The following WDR72 variants were observed in gnomAD, a reference collection of about 807,000 sequenced individuals.
WDR72 encodes WD repeat-containing protein 72.
In WDR72, 120 loss-of-function variants were observed where a neutral mutation model predicts 124.2. The ratio of observed to expected loss-of-function variants is 0.97; its 90% CI spans 0.83 to 1.12. WDR72 has a LOEUF of 1.12. Ranked by LOEUF, WDR72 falls within the 50% of genes most tolerant of loss-of-function variation. The pLI, the probability that WDR72 is intolerant of heterozygous loss-of-function variation, is 0.00. For missense variants in WDR72, 1,387 were observed against 1,278.8 expected, an observed-to-expected ratio of 1.08 and a Z score of -1.29; for synonymous variants, 452 against 441.7, an observed-to-expected ratio of 1.02 and a Z score of -0.29.
chr15:53,610,801 T>G (rs142811031), intron 16 of WDR72, among the ~76,000 whole-genome samples: 1 of 152,208 alleles, frequency 6.6e-6, no homozygotes, highest in Non-Finnish European at 1.5e-5. Flanking sequence ...TGACATGTTT[T>G]CCATTTCTTC....
At chr15:53,695,332 T>C (rs1442367148) in intron 13 of WDR72, among the ~76,000 whole-genome samples, 1 of 152,210 alleles carries the variant, frequency 6.6e-6, no homozygotes, top group Non-Finnish European at 1.5e-5. Flanking sequence ...TAAATTCAAT[T>C]CTTAAAAGAA....
chr15:53,597,228 T>A lies in WDR72; in HGVS notation c.2999A>T (p.His1000Leu). 6.2e-7 allele frequency: 1 copy of A among 1,613,876 alleles called. No homozygotes were observed. Among genetic ancestry groups the A allele is most frequent in the South Asian group, 1.1e-5 (1 of 91,078 alleles). Residue 1000 changes from histidine to leucine, a missense_variant, in exon 18 of 20, where the codon CAC (histidine) becomes CTC (leucine). By Grantham distance (99) the His-to-Leu change is moderately conservative (BLOSUM62 -3). Transcript: ENST00000360509. Reference protein sequence around the residue: ...QAVLLAEVQQHMKSLGKIPVN... With the variant: ...QAVLLAEVQQLMKSLGKIPVN... ...GGGTATCTTTCCCAAACTCTTCATG[T>A]GTTGTTGAACTTCCGCCAAGAGAAC...
chr15:53,634,779 G>T (rs890112864), intron 14 of WDR72, among the ~76,000 whole-genome samples: 24 of 152,214 alleles, frequency 1.6e-4, no homozygotes, highest in Non-Finnish European at 4.4e-5. Flanking sequence ...GAACAATAAA[G>T]CAAAGTAAGT....
intron 14 of WDR72, among the ~76,000 whole-genome samples, chr15:53,651,699 C>CT (rs1454200351): frequency 6.6e-6 from 1 of 152,166 alleles, no homozygotes; most frequent in Non-Finnish European, 1.5e-5. Context: ...ATTGCTCAGG[C>CT]TGGAGTGCAG....
At chr15:53,674,666 T>A (rs1595838906) in intron 13 of WDR72, among the ~76,000 whole-genome samples, 1 of 152,190 alleles carries the variant, frequency 6.6e-6, no homozygotes, top group Non-Finnish European at 1.5e-5. Context: ...AAATGGAGTG[T>A]CAAAGACCTG....
intron 18 of WDR72, among the ~76,000 whole-genome samples, chr15:53,550,543 T>C (rs773097732): frequency 1.3e-5 from 2 of 152,232 alleles, no homozygotes; most frequent in South Asian, 2.1e-4. Flanking sequence ...TTATTTATTA[T>C]GCATTAAACA....
chr15:53,639,644 T>C (rs1871161809), intron 14 of WDR72, among the ~76,000 whole-genome samples: 1 of 151,626 alleles, frequency 6.6e-6, no homozygotes, highest in Non-Finnish European at 1.5e-5. Context: ...AGTGTGTGCC[T>C]GGCACTGCTG....
intron 18 of WDR72, among the ~76,000 whole-genome samples, chr15:53,529,884 A>G (rs1339824936): frequency 1.3e-5 from 2 of 151,970 alleles, no homozygotes; most frequent in African/African-American, 2.4e-5. Context: ...TTACAAAGAG[A>G]AAACGTGTAG....
intron 18 of WDR72, among the ~76,000 whole-genome samples, chr15:53,570,069 G>T (rs1156643170): frequency 6.6e-6 from 1 of 151,834 alleles, no homozygotes; most frequent in Admixed American, 6.6e-5. Context: ...AGGTGAGAAT[G>T]TATCTCATGC....
At chr15:53,599,630 TG>T (rs2012951751) in intron 17 of WDR72, among the ~76,000 whole-genome samples, 1 of 152,082 alleles carries the variant, frequency 6.6e-6, no homozygotes, top group Non-Finnish European at 1.5e-5. Context: ...CCCCTCAGAA[TG>T]GGTAGTTTGG....
At chr15:53,566,853 A>G (rs1240326283) in intron 18 of WDR72, among the ~76,000 whole-genome samples, 2 of 151,970 alleles carry the variant, frequency 1.3e-5, no homozygotes, top group Non-Finnish European at 2.9e-5. Flanking sequence ...ATAGTCCCCA[A>G]ACACAGGAAA....
chr15:53,606,293 G>GA (rs545494116), intron 17 of WDR72, among the ~76,000 whole-genome samples: 147 of 152,164 alleles, frequency 9.7e-4, no homozygotes, highest in South Asian at 2.7e-3. Context: ...GGCCACTGGG[G>GA]AAAAAATCTC....
At chr15:53,549,348 C>G (rs1384028787) in intron 18 of WDR72, among the ~76,000 whole-genome samples, 3 of 152,138 alleles carry the variant, frequency 2.0e-5, no homozygotes. Flanking sequence ...CTTGAGAGAA[C>G]TAGAGTGTAG....
intron 13 of WDR72, among the ~76,000 whole-genome samples, chr15:53,685,004 T>A (rs953643277): frequency 1.3e-5 from 2 of 152,116 alleles, no homozygotes; most frequent in Non-Finnish European, 2.9e-5. Flanking sequence ...GAGGGTCCTG[T>A]CTGTTAGAAG....
chr15:53,684,981 C>T (rs1430756994), intron 13 of WDR72, among the ~76,000 whole-genome samples: 2 of 152,290 alleles, frequency 1.3e-5, no homozygotes, highest in East Asian at 3.9e-4. Flanking sequence ...GGTATTCCAA[C>T]AGACCTGCAG....
At position 53,616,054 on chromosome 15, in the gene WDR72, T is replaced by C. The variant is rs1180113093; in HGVS notation, c.2152A>G (p.Ser718Gly). The C allele has an allele frequency of 1.4e-5, 22 of 1,611,910 alleles. No homozygotes were observed. Among genetic ancestry groups the C allele is most frequent in the Non-Finnish European group, 1.8e-5 (21 of 1,178,822 alleles). ...GTCAGTGTCTTCTTCTCCACTGTGC[T>C]CTTGGCTCTTCTCAGGACCTCACCA... ...YGGEVLRRAK[S>G]TVEKKTLTLR... The change falls in exon 15 of 20, where the codon AGC (serine) becomes GGC (glycine). Residue 718 changes from serine to glycine, a missense_variant. Physicochemically the swap from Ser to Gly is moderately conservative, Grantham distance 56. Coordinates refer to ENST00000360509, the MANE Select transcript of WDR72 (RefSeq NM_182758.4).
chr15:53,716,835 C>G, intron 3 of WDR72, 150 bp from the exon 4 acceptor site: 1 of 681,744 alleles, frequency 1.5e-6, no homozygotes, highest in South Asian at 1.6e-5. Flanking sequence ...TGGTCATTAG[C>G]AGGGATGACA....
intron 12 of WDR72, 82 bp downstream of exon 12, chr15:53,702,052 G>A (rs2017195827): frequency 2.9e-6 from 3 of 1,032,166 alleles, no homozygotes; most frequent in Admixed American, 4.9e-5. Context: ...GGAAATATGG[G>A]TCATTTTTAC....
intron 14 of WDR72, among the ~76,000 whole-genome samples, chr15:53,651,366 T>A (rs959506477): frequency 1.3e-5 from 2 of 152,236 alleles, no homozygotes; most frequent in Admixed American, 6.5e-5. Context: ...TTTATCATTA[T>A]CTGACAGTCT....
Sources: allele counts gnomAD v4.1 joint callset (sites outside exome capture counted in the v4.1 genomes callset), GRCh38; gene constraint gnomAD v4.1.1; transcripts MANE v1.5; gene names NCBI Gene and HGNC (gene_info 2026-07-23, HGNC 2026-07-21).